The following DYNC1I1 variants were observed in gnomAD, a reference collection of about 807,000 sequenced individuals.
DYNC1I1 encodes dynein cytoplasmic 1 intermediate chain 1, also known as cytoplasmic dynein 1 intermediate chain 1.
In DYNC1I1, 43 loss-of-function variants were observed where a neutral mutation model predicts 86.6. That is an observed-to-expected ratio of 0.50 (90% confidence interval 0.39 to 0.64). The LOEUF is 0.64. Among genes scored for constraint, DYNC1I1 ranks in the 30% least tolerant of loss-of-function variants. DYNC1I1 has a pLI of 0.00. For synonymous variants in DYNC1I1, 262 were observed against 283.7 expected, an observed-to-expected ratio of 0.92 and a Z score of 0.77; for missense variants, 604 against 788.8, an observed-to-expected ratio of 0.77 and a Z score of 2.81.
intron 6 of DYNC1I1, among the ~76,000 whole-genome samples, chr7:95,905,834 A>C (rs1013556335): frequency 6.6e-6 from 1 of 152,048 alleles, no homozygotes; most frequent in Non-Finnish European, 1.5e-5. Flanking sequence ...CCCAATATAA[A>C]AGTAGCTCTC....
chr7:96,006,440 T>G (rs1427398009), intron 10 of DYNC1I1, among the ~76,000 whole-genome samples: 4 of 152,326 alleles, frequency 2.6e-5, no homozygotes, highest in South Asian at 2.1e-4. Context: ...GCATCTTCTC[T>G]TGTGTGCTTT....
At chr7:95,806,746 T>G (rs1003196558) in intron 2 of DYNC1I1, among the ~76,000 whole-genome samples, 1 of 152,174 alleles carries the variant, frequency 6.6e-6, no homozygotes, top group Admixed American at 6.5e-5. Context: ...TCATCTGTAG[T>G]GTCTCTCCTG....
At chr7:96,020,411 ACT>A (rs1421074043) in intron 10 of DYNC1I1, among the ~76,000 whole-genome samples, 2 of 151,738 alleles carry the variant, frequency 1.3e-5, no homozygotes, top group Non-Finnish European at 2.9e-5. Context: ...GTGCAGGGAA[ACT>A]CCCCCTTATA....
chr7:95,909,729 G>A (rs1791278755), intron 6 of DYNC1I1, among the ~76,000 whole-genome samples: 1 of 152,126 alleles, frequency 6.6e-6, no homozygotes, highest in Admixed American at 6.5e-5. Flanking sequence ...AAACTCAACA[G>A]TGTACATTTA....
intron 6 of DYNC1I1, among the ~76,000 whole-genome samples, chr7:95,889,043 A>G (rs1790669975): frequency 1.3e-5 from 2 of 152,140 alleles, no homozygotes; most frequent in Admixed American, 6.5e-5. Flanking sequence ...TTTGACCTGA[A>G]TAAATTGAAA....
At chr7:95,891,419 CAG>C (rs1483828983) in intron 6 of DYNC1I1, among the ~76,000 whole-genome samples, 2 of 152,138 alleles carry the variant, frequency 1.3e-5, no homozygotes, top group Non-Finnish European at 2.9e-5. Flanking sequence ...GAGAAGCAAA[CAG>C]AGTAAAATGC....
intron 14 of DYNC1I1, among the ~76,000 whole-genome samples, chr7:96,072,465 G>A (rs1189881979): frequency 6.6e-6 from 1 of 152,048 alleles, no homozygotes; most frequent in Non-Finnish European, 1.5e-5. Context: ...TTTGAAAAAT[G>A]TTCTTTACAG....
chr7:95,916,567 G>A (rs1421639430), intron 6 of DYNC1I1, among the ~76,000 whole-genome samples: 4 of 152,112 alleles, frequency 2.6e-5, no homozygotes, highest in African/African-American at 7.2e-5. Flanking sequence ...TATAAGGGCC[G>A]AATTTTCATA....
chr7:95,888,344 G>A (rs1047716010), intron 6 of DYNC1I1, among the ~76,000 whole-genome samples: 8 of 152,174 alleles, frequency 5.3e-5, no homozygotes, highest in African/African-American at 1.7e-4. Context: ...GGCTGAGGTG[G>A]GAGGATCGCT....
chr7:96,086,590 T>C (rs1476994136), intron 16 of DYNC1I1, among the ~76,000 whole-genome samples: 2 of 152,316 alleles, frequency 1.3e-5, no homozygotes, highest in African/African-American at 2.4e-5. Flanking sequence ...GCATTTCAAA[T>C]AGCTTGTTTG....
intron 5 of DYNC1I1, among the ~76,000 whole-genome samples, chr7:95,841,054 G>T (rs1475636541): frequency 6.6e-6 from 1 of 152,186 alleles, no homozygotes; most frequent in East Asian, 1.9e-4. Context: ...CTCAGACGCA[G>T]GCTGTTTTAA....
At chr7:95,784,030 C>G (rs951975893) in intron 1 of DYNC1I1, among the ~76,000 whole-genome samples, 2 of 152,122 alleles carry the variant, frequency 1.3e-5, no homozygotes, top group Admixed American at 6.5e-5. Context: ...CTGAAATGTA[C>G]CACGTCTTGT....
intron 5 of DYNC1I1, among the ~76,000 whole-genome samples, chr7:95,829,228 AG>A (rs1306609710): frequency 9.9e-5 from 15 of 152,260 alleles, no homozygotes; most frequent in African/African-American, 3.1e-4. Flanking sequence ...AGGAGGTTGA[AG>A]GGCTATTTGC....
In DYNC1I1 at chr7:95,869,905, G is replaced by C; in HGVS notation, c.397G>C (p.Val133Leu). The C allele has an allele frequency of 6.2e-7, 1 of 1,614,022 alleles. No homozygotes were observed. The stretch of plus-strand genomic sequence containing the variant: ...CAGAAGAAGACTGCATAAACTGGGC[G>C]TGTCAAAGGTCACCCAAGTGGATTT... ...ELGRRLHKLGVSKVTQVDFLP... is the reference protein window; with the variant it reads ...ELGRRLHKLGLSKVTQVDFLP... The change falls in exon 6 of 17, where the codon GTG becomes CTG. Residue 133 changes from valine to leucine, a missense_variant. Physicochemically the swap from Val to Leu is conservative, Grantham distance 32. Coordinates refer to ENST00000447467, the MANE Select transcript of DYNC1I1 (RefSeq NM_001135556.2).
intron 5 of DYNC1I1, among the ~76,000 whole-genome samples, chr7:95,865,221 G>A (rs1184612830): frequency 6.6e-6 from 1 of 152,146 alleles, no homozygotes; most frequent in Non-Finnish European, 1.5e-5. Context: ...CTGCATAGGT[G>A]ATATTGAATG....
At chr7:95,843,982 A>G (rs547647031) in intron 5 of DYNC1I1, among the ~76,000 whole-genome samples, 1 of 152,318 alleles carries the variant, frequency 6.6e-6, no homozygotes, top group East Asian at 1.9e-4. Flanking sequence ...GGAAAATTTG[A>G]GGGAGGGATT....
chr7:95,858,039 T>TA (rs1408597844), intron 5 of DYNC1I1, among the ~76,000 whole-genome samples: 2 of 152,214 alleles, frequency 1.3e-5, no homozygotes, highest in African/African-American at 2.4e-5. Context: ...TCATATCTGA[T>TA]ATAGGCCCTT....
intron 4 of DYNC1I1, 143 bp from the exon 5 acceptor site, chr7:95,827,914 G>T: frequency 1.4e-6 from 1 of 703,830 alleles, no homozygotes; most frequent in Non-Finnish European, 2.5e-6. Context: ...AGTCACTGGG[G>T]GTGGAGGGGA....
chr7:95,983,343 G>A (rs1793502134), intron 7 of DYNC1I1, among the ~76,000 whole-genome samples: 1 of 152,102 alleles, frequency 6.6e-6, no homozygotes, highest in Admixed American at 6.6e-5. Flanking sequence ...TATGAGGTGG[G>A]GTGTGTTAGG....
Sources: gnomAD v4.1 joint callset for allele counts (sites outside exome capture counted in the v4.1 genomes callset) on GRCh38, gnomAD v4.1.1 for gene constraint, MANE v1.5 for transcripts, NCBI Gene and HGNC (gene_info 2026-07-23, HGNC 2026-07-21) for gene names.